The following PIP4P2 variants were observed in gnomAD, a reference collection of about 807,000 sequenced individuals.
The protein encoded by PIP4P2 is phosphatidylinositol-4,5-bisphosphate 4-phosphatase 2, also known as type 2 phosphatidylinositol 4,5-bisphosphate 4-phosphatase.
PIP4P2 carries 19 observed loss-of-function variants against 33.3 expected under a neutral mutation model. That is an observed-to-expected ratio of 0.57 (90% CI 0.40 to 0.84). The LOEUF (loss-of-function observed/expected upper bound fraction) is 0.84, where lower values mean the gene tolerates loss of function less well. Among genes scored for constraint, PIP4P2 ranks in the 40% least tolerant of loss-of-function variants. PIP4P2 has a pLI of 0.00. For synonymous variants in PIP4P2, 110 were observed against 111.9 expected, an observed-to-expected ratio of 0.98 and a Z score of 0.11; for missense variants, 270 against 324.7, an observed-to-expected ratio of 0.83 and a Z score of 1.29.
At chr8:91,034,172 G>A (rs1038349770) in intron 1 of PIP4P2, among the ~76,000 whole-genome samples, 1 of 151,948 alleles carries the variant, frequency 6.6e-6, no homozygotes, top group Non-Finnish European at 1.5e-5. Flanking sequence ...AAATTATAAC[G>A]CTTACTGTAT....
intron 1 of PIP4P2, among the ~76,000 whole-genome samples, chr8:91,036,151 A>C (rs911702841): frequency 4.6e-5 from 7 of 152,074 alleles, no homozygotes; most frequent in African/African-American, 1.7e-4. Context: ...CCATGTATTT[A>C]GCTATCACCA....
intron 5 of PIP4P2, among the ~76,000 whole-genome samples, chr8:91,006,210 T>C (rs1811760683): frequency 6.6e-6 from 1 of 152,200 alleles, no homozygotes; most frequent in Non-Finnish European, 1.5e-5. Flanking sequence ...TAAATCTAGA[T>C]ACCAGCTAGG....
rs1811603038 is a variant in PIP4P2 at position 90,994,511 on chromosome 8, T to C, written c.*1166A>G. The C allele has an allele frequency of 6.6e-6, 1 of 152,568 alleles. No homozygotes were observed. The highest frequency in any genetic ancestry group is 1.5e-5 in the Non-Finnish European group (1 of 67,958). The allele number at this position is 152,568 out of a possible 1,614,324, so 9.5% of individuals were successfully genotyped here. ...GTCTAATTCTACTACATTTAAAGAC[T>C]GTAGAACATTTGTGATTAAGCAATT... On this transcript the variant is annotated 3_prime_UTR_variant, in exon 7 of 7. Coordinates refer to ENST00000285419, the MANE Select transcript of PIP4P2 (RefSeq NM_018710.3).
intron 5 of PIP4P2, among the ~76,000 whole-genome samples, chr8:91,005,584 A>G (rs1377822022): frequency 6.6e-6 from 1 of 152,176 alleles, no homozygotes; most frequent in Non-Finnish European, 1.5e-5. Flanking sequence ...GCAAGATTAT[A>G]TCTTTTATTT....
intron 5 of PIP4P2, among the ~76,000 whole-genome samples, chr8:91,001,261 G>A (rs561161861): frequency 6.6e-6 from 1 of 152,092 alleles, no homozygotes; most frequent in East Asian, 1.9e-4. Context: ...AGGTATATGA[G>A]TATGGATTTT....
intron 5 of PIP4P2, among the ~76,000 whole-genome samples, chr8:91,006,022 C>T (rs1341295098): frequency 6.6e-6 from 1 of 152,188 alleles, no homozygotes; most frequent in Non-Finnish European, 1.5e-5. Flanking sequence ...TTTCCCCATA[C>T]ATTTTGTGAG....
chr8:91,011,551 C>A (rs1172260919), intron 4 of PIP4P2, among the ~76,000 whole-genome samples: 2 of 151,972 alleles, frequency 1.3e-5, no homozygotes, highest in African/African-American at 4.8e-5. Flanking sequence ...TAAATATATA[C>A]AATGGTATAT....
chr8:91,039,634 CA>C lies in PIP4P2; in HGVS notation c.106+1009del, dbSNP rs1308279892. On this transcript the variant is annotated intron_variant, in intron 1 of 6. Transcript: ENST00000285419. ...TTTTTAAACTTTGCTCATATTTAGC[CA>C]AAAAAAGAGAGAGATGCACTTAAGG... Among the ~76,000 whole-genome samples the C allele has an allele frequency of 2.0e-5, 3 of 151,896 alleles. No individual in the cohort carries two copies. The South Asian group carries it at 6.2e-4, about 32-fold the overall frequency.
At chr8:91,005,181 T>TCCTG (rs1811749833) in intron 5 of PIP4P2, among the ~76,000 whole-genome samples, 1 of 152,146 alleles carries the variant, frequency 6.6e-6, no homozygotes, top group South Asian at 2.1e-4. Flanking sequence ...TTCTTCTAGA[T>TCCTG]CCTGCATGTC....
chr8:91,024,003 G>C (rs375939239), intron 1 of PIP4P2, among the ~76,000 whole-genome samples: 1 of 151,992 alleles, frequency 6.6e-6, no homozygotes, highest in Admixed American at 6.6e-5. Flanking sequence ...TCTAGCAGGG[G>C]AGTGCAGCTT....
intron 5 of PIP4P2, among the ~76,000 whole-genome samples, chr8:90,998,773 T>C (rs1350870221): frequency 6.6e-6 from 1 of 152,048 alleles, no homozygotes; most frequent in Non-Finnish European, 1.5e-5. Context: ...TCAAGATGGA[T>C]TAAAGACTTA....
intron 5 of PIP4P2, among the ~76,000 whole-genome samples, chr8:90,999,690 A>C (rs1432371827): frequency 1.3e-5 from 2 of 152,068 alleles, no homozygotes; most frequent in Non-Finnish European, 2.9e-5. Flanking sequence ...CTGTTATTTT[A>C]ATTGATATTA....
intron 5 of PIP4P2, among the ~76,000 whole-genome samples, chr8:90,997,530 C>T (rs1811644914): frequency 6.6e-6 from 1 of 152,058 alleles, no homozygotes; most frequent in African/African-American, 2.4e-5. Context: ...TACTGTGCTA[C>T]TCAATTGAAA....
At chr8:91,011,055 T>C (rs1288602794) in intron 4 of PIP4P2, among the ~76,000 whole-genome samples, 8 of 148,538 alleles carry the variant, frequency 5.4e-5, no homozygotes, top group Admixed American at 4.7e-4. Context: ...GATAGATAGA[T>C]AGATAGATAG....
At chr8:91,021,958 ACTT>A (rs1032017314) in intron 1 of PIP4P2, among the ~76,000 whole-genome samples, 1 of 152,146 alleles carries the variant, frequency 6.6e-6, no homozygotes, top group African/African-American at 2.4e-5. Context: ...AGAAAACTAA[ACTT>A]CTCAGCATGG....
chr8:90,997,682 T>C (rs901595860), intron 5 of PIP4P2, among the ~76,000 whole-genome samples: 2 of 152,104 alleles, frequency 1.3e-5, no homozygotes, highest in Non-Finnish European at 2.9e-5. Context: ...ATATACCATA[T>C]GCAAGGCATC....
chr8:91,021,192 C>G, intron 2 of PIP4P2, 64 bp downstream of exon 2: 1 of 1,575,194 alleles, frequency 6.3e-7, no homozygotes, highest in Non-Finnish European at 8.7e-7. Flanking sequence ...TATTGAAGTA[C>G]TTCCTTTAGG....
intron 1 of PIP4P2, among the ~76,000 whole-genome samples, chr8:91,023,743 C>T (rs757254026): frequency 1.1e-4 from 17 of 151,996 alleles, no homozygotes; most frequent in Non-Finnish European, 1.8e-4. Flanking sequence ...ACTTCACCAG[C>T]GCTTGTCATA....
intron 1 of PIP4P2, among the ~76,000 whole-genome samples, chr8:91,037,712 T>C (rs1468350418): frequency 1.3e-5 from 2 of 152,206 alleles, no homozygotes; most frequent in African/African-American, 4.8e-5. Flanking sequence ...ATTATTATTT[T>C]CCCTTTATGA....
Sources: allele counts gnomAD v4.1 joint callset (sites outside exome capture counted in the v4.1 genomes callset), GRCh38; gene constraint gnomAD v4.1.1; transcripts MANE v1.5; gene names NCBI Gene and HGNC (gene_info 2026-07-23, HGNC 2026-07-21).